Variants in ACSF2 observed in about 807,000 individuals in gnomAD.
ACSF2 encodes the protein medium-chain acyl-CoA ligase ACSF2, mitochondrial.
A neutral mutation model predicts 79.3 loss-of-function variants in ACSF2; 52 were observed. The observed-to-expected ratio is 0.66, with a 90% CI of 0.53 to 0.83. ACSF2 has a LOEUF of 0.83. Ranked by LOEUF, ACSF2 falls within the 40% of genes least tolerant of loss-of-function variation. ACSF2 has a pLI of 0.00. For synonymous variants in ACSF2, 283 were observed against 312.6 expected, an observed-to-expected ratio of 0.91 and a Z score of 1.00; for missense variants, 661 against 803.3, an observed-to-expected ratio of 0.82 and a Z score of 2.14.
At position 50,471,311 on chromosome 17, in the gene ACSF2, C is replaced by A; in HGVS notation, c.1323+176C>A. ...CCCGGAGTGTTCTCTGTGGGCTAAG[C>A]ATGAAAGGGGAAGAGCTGGAACAGT... On this transcript the variant is annotated intron_variant, in intron 11 of 15. Transcript: ENST00000300441. This position sits in a 1 kb window ranked among gnomAD's most constrained non-coding sequence, Gnocchi z 4.1. 1.7e-6 allele frequency: 1 copy of A among 590,592 alleles called. No homozygotes were observed. Among genetic ancestry groups the A allele is most frequent in the Non-Finnish European group, 3.0e-6 (1 of 329,802 alleles). The allele number at this position is 590,592 out of a possible 1,614,324, so 36.6% of individuals were successfully genotyped here. A position where few individuals can be genotyped will look rare whatever the true frequency, so the allele number is the denominator to read the frequency against.
At chr17:50,452,493 A>T (rs995109432) in intron 1 of ACSF2, among the ~76,000 whole-genome samples, 2 of 151,788 alleles carry the variant, frequency 1.3e-5, no homozygotes, top group Non-Finnish European at 2.9e-5. Flanking sequence ...AAAACGAAAA[A>T]ATAGAAAAAG....
intron 10 of ACSF2, among the ~76,000 whole-genome samples, chr17:50,469,280 T>C (rs2032978043): frequency 6.6e-6 from 1 of 152,184 alleles, no homozygotes; most frequent in Admixed American, 6.5e-5. Context: ...CCACACACGC[T>C]CGGCCGGGTG....
At chr17:50,472,696 C>G (rs1020397735) in intron 12 of ACSF2, 117 bp downstream of exon 12, 1 of 1,267,322 alleles carries the variant, frequency 7.9e-7, no homozygotes, top group African/African-American at 1.5e-5. Flanking sequence ...GATGACCCCT[C>G]ACATGCTGGA....
At chr17:50,460,129 GC>G (rs764567843) in intron 1 of ACSF2, 5 of 453,656 alleles carry the variant, frequency 1.1e-5, no homozygotes, top group Non-Finnish European at 2.2e-5. Context: ...AACAGGGGCC[GC>G]CCAGCTGCCT....
chr17:50,444,507 A>G (rs977806889), intron 1 of ACSF2, among the ~76,000 whole-genome samples: 12 of 152,086 alleles, frequency 7.9e-5, no homozygotes, highest in African/African-American at 2.2e-4. Context: ...ATGAGCTGAG[A>G]TCGCACCACT....
chr17:50,444,000 T>A (rs1390368866), intron 1 of ACSF2, among the ~76,000 whole-genome samples: 1 of 152,212 alleles, frequency 6.6e-6, no homozygotes, highest in Non-Finnish European at 1.5e-5. Flanking sequence ...TTTCTAGTAC[T>A]GCTTATGAAT....
chr17:50,468,836 G>C, intron 10 of ACSF2: 1 of 1,476,500 alleles, frequency 6.8e-7, no homozygotes, highest in Non-Finnish European at 8.9e-7. Context: ...TGGGGCCGGG[G>C]CTGGGGGCAG....
Position 50,461,615 on chromosome 17 carries a change from C to T in ACSF2, c.454-18C>T, listed in dbSNP as rs2032332460. On this transcript the variant is annotated intron_variant, in intron 3 of 15. Coordinates refer to ENST00000300441, the MANE Select transcript of ACSF2 (RefSeq NM_025149.6). Reference sequence around the variant, plus strand: ...GGGTCTGCCCAGAATACTGATATGCCCTCGCCGCTTCCACCAGGTGTCTGT... The same window carrying T: ...GGGTCTGCCCAGAATACTGATATGCTCTCGCCGCTTCCACCAGGTGTCTGT... The T allele has an allele frequency of 1.2e-6, 2 of 1,614,092 alleles. No homozygotes were observed. The highest frequency in any genetic ancestry group is 1.1e-5 in the South Asian group (1 of 91,090).
intron 1 of ACSF2, among the ~76,000 whole-genome samples, chr17:50,451,944 G>A (rs2031704340): frequency 6.6e-6 from 1 of 152,132 alleles, no homozygotes; most frequent in African/African-American, 2.4e-5. Context: ...CACCTCTTAT[G>A]TTCCTGGCAC....
rs146056429 is a variant in ACSF2, at chr17:50,468,943, G to A, written c.1216-2085G>A. The stretch of plus-strand genomic sequence containing the variant: ...CTGACCGCAGCCGGCAGCCGAGCCA[G>A]CTCCTACGTGGAGCATCGAGGCCAC... On this transcript the variant is annotated intron_variant, in intron 10 of 15. Transcript: ENST00000300441. 6.6e-4 allele frequency: 928 copies of A among 1,406,742 alleles called. 9 individuals are homozygous for A. The African/African-American group carries it at 0.013, about 20-fold the overall frequency. The allele number at this position is 1,406,742 out of a possible 1,614,324, so 87.1% of individuals were successfully genotyped here.
At chr17:50,428,167 C>T (rs1466881344) in intron 1 of ACSF2, among the ~76,000 whole-genome samples, 2 of 152,110 alleles carry the variant, frequency 1.3e-5, no homozygotes, top group Admixed American at 6.5e-5. Context: ...CTAGCCTGAG[C>T]AGCAGAGCAA....
chr17:50,458,414 A>G (rs934587906), intron 1 of ACSF2, among the ~76,000 whole-genome samples: 9 of 152,086 alleles, frequency 5.9e-5, no homozygotes, highest in African/African-American at 1.9e-4. Context: ...CCTCTGCTGG[A>G]AAAGCCCTCC....
At chr17:50,456,163 C>T (rs1412852141) in intron 1 of ACSF2, among the ~76,000 whole-genome samples, 1 of 152,204 alleles carries the variant, frequency 6.6e-6, no homozygotes, top group Admixed American at 6.5e-5. Context: ...AAATGCCTGA[C>T]ACGCCCCAAC....
chr17:50,442,325 ATT>A (rs34855383), intron 1 of ACSF2, among the ~76,000 whole-genome samples: 1,636 of 117,300 alleles, frequency 0.014, 17 homozygotes, highest in African/African-American at 0.025. Flanking sequence ...AAACAAAACA[ATT>A]TTTTTTTTTT....
At chr17:50,427,007 C>T in intron 1 of ACSF2, 1 of 1,535,076 alleles carries the variant, frequency 6.5e-7, no homozygotes, top group Admixed American at 2.0e-5. Flanking sequence ...CCCGGTGTGA[C>T]CAGTCCTTGG....
Position 50,463,897 on chromosome 17 carries a change from A to C in ACSF2, c.1126A>C (p.Thr376Pro). ...AGACTTCTCCAGTTATGACATCTCGACCATGTGTGGAGGTGGGGTGGGGCC... is the reference window on the plus strand; with the variant it reads ...AGACTTCTCCAGTTATGACATCTCGCCCATGTGTGGAGGTGGGGTGGGGCC... ...QPDFSSYDIS[T>P]MCGGVIAGSP... The change falls in exon 9 of 16, where the codon ACC (threonine) becomes CCC (proline). Residue 376 changes from threonine (T) to proline (P), a missense_variant. Thr to Pro is a conservative substitution (Grantham distance 38). Transcript: ENST00000300441. This position sits in a 1 kb window ranked among gnomAD's most constrained non-coding sequence, Gnocchi z 4.6. 1 of 1,613,928 alleles carries C rather than the reference A, an allele frequency of 6.2e-7. No individual in the cohort carries two copies. Among genetic ancestry groups the C allele is most frequent in the Non-Finnish European group, 8.5e-7 (1 of 1,179,968 alleles).
chr17:50,442,094 C>T (rs1279972715), intron 1 of ACSF2, among the ~76,000 whole-genome samples: 1 of 152,108 alleles, frequency 6.6e-6, no homozygotes, highest in Non-Finnish European at 1.5e-5. Flanking sequence ...CACCTGAGGT[C>T]AGAAGTTCAA....
intron 10 of ACSF2, 67 bp from the exon 11 acceptor site, chr17:50,470,961 C>A: frequency 8.6e-7 from 1 of 1,168,552 alleles, no homozygotes; most frequent in Non-Finnish European, 1.3e-6. Flanking sequence ...CCCATTTCCT[C>A]AGATAGCTCA....
At position 50,471,308 on chromosome 17, in the gene ACSF2, A is replaced by G; in HGVS notation, c.1323+173A>G. The G allele has an allele frequency of 1.7e-6, 1 of 594,380 alleles. No individual in the cohort carries two copies. Among genetic ancestry groups the G allele is most frequent in the Admixed American group, 2.9e-5 (1 of 34,402 alleles). 36.8% of individuals were successfully genotyped at this position (594,380 alleles called of 1,614,324 possible). ...TGGCCCGGAGTGTTCTCTGTGGGCTAAGCATGAAAGGGGAAGAGCTGGAAC... is the reference window on the plus strand; with the variant it reads ...TGGCCCGGAGTGTTCTCTGTGGGCTGAGCATGAAAGGGGAAGAGCTGGAAC... On this transcript the variant is annotated intron_variant, in intron 11 of 15. Coordinates refer to ENST00000300441, the MANE Select transcript of ACSF2 (RefSeq NM_025149.6). The surrounding 1 kb of genome is among the most constrained non-coding windows in gnomAD (Gnocchi z 4.1).
Sources: gnomAD v4.1 joint callset for allele counts (sites outside exome capture counted in the v4.1 genomes callset) on GRCh38, gnomAD v4.1.1 for gene constraint, Gnocchi (gnomAD v3.1) non-coding constraint, MANE v1.5 for transcripts, NCBI Gene and HGNC (gene_info 2026-07-23, HGNC 2026-07-21) for gene names.